ZMYM4: variants seen among roughly 807,000 people sequenced by gnomAD.
ZMYM4 encodes the protein zinc finger MYM-type protein 4.
In ZMYM4, 31 loss-of-function variants were observed where a neutral mutation model predicts 183.2. The observed-to-expected ratio is 0.17, with a 90% CI of 0.13 to 0.23. The LOEUF (loss-of-function observed/expected upper bound fraction) is 0.23. Ranked by LOEUF, ZMYM4 falls within the 10% of genes least tolerant of loss-of-function variation. The pLI, the probability that ZMYM4 is intolerant of heterozygous loss-of-function variation, is 1.00. For missense variants in ZMYM4, 1,273 were observed against 1,840.3 expected, an observed-to-expected ratio of 0.69 and a Z score of 5.64; for synonymous variants, 592 against 631.2, an observed-to-expected ratio of 0.94 and a Z score of 0.93.
chr1:35,329,668 G>A (rs1385169483), intron 2 of ZMYM4, among the ~76,000 whole-genome samples: 1 of 152,104 alleles, frequency 6.6e-6, no homozygotes, highest in Non-Finnish European at 1.5e-5. Flanking sequence ...TACTTTCAGT[G>A]TACTAGTTTA....
chr1:35,360,215 A>T (rs1643906725), intron 3 of ZMYM4, among the ~76,000 whole-genome samples: 1 of 152,056 alleles, frequency 6.6e-6, no homozygotes, highest in Non-Finnish European at 1.5e-5. Context: ...CAGCATTTTC[A>T]TGCCTCATTA....
chr1:35,397,276 A>C, intron 19 of ZMYM4, 101 bp from the exon 20 acceptor site: 1 of 1,296,448 alleles, frequency 7.7e-7, no homozygotes, highest in Non-Finnish European at 1.0e-6. Flanking sequence ...ATATACCTTA[A>C]ATTTGTTTAC....
intron 2 of ZMYM4, among the ~76,000 whole-genome samples, chr1:35,357,282 C>G (rs1169041724): frequency 1.3e-5 from 2 of 152,118 alleles, no homozygotes; most frequent in Admixed American, 1.3e-4. Context: ...TTATTGGATT[C>G]CATAATCCAG....
chr1:35,386,536 C>T (rs1167580803), intron 11 of ZMYM4, among the ~76,000 whole-genome samples: 2 of 152,150 alleles, frequency 1.3e-5, no homozygotes, highest in East Asian at 3.9e-4. Context: ...TCACTTCCTG[C>T]CAGGCTCCTC....
intron 15 of ZMYM4, 144 bp from the exon 16 acceptor site, chr1:35,392,068 A>G (rs1644717381): frequency 9.3e-7 from 1 of 1,076,208 alleles, no homozygotes; most frequent in East Asian, 2.6e-5. Context: ...GAAGAAAACC[A>G]AAACCCAGTT....
chr1:35,355,014 G>GC (rs1263980663), intron 2 of ZMYM4, among the ~76,000 whole-genome samples: 1 of 151,356 alleles, frequency 6.6e-6, no homozygotes, highest in Non-Finnish European at 1.5e-5. Flanking sequence ...TAATATAGCT[G>GC]CAAGACTTTA....
intron 2 of ZMYM4, among the ~76,000 whole-genome samples, chr1:35,331,292 C>G (rs1642735878): frequency 6.6e-6 from 1 of 152,016 alleles, no homozygotes; most frequent in African/African-American, 2.4e-5. Context: ...TGAAAAACAC[C>G]TCACAGTTCT....
chr1:35,278,833 A>G (rs1328137698), intron 1 of ZMYM4, among the ~76,000 whole-genome samples: 2 of 152,218 alleles, frequency 1.3e-5, no homozygotes, highest in Non-Finnish European at 2.9e-5. Context: ...GGCATGATTC[A>G]TTTGGGATAA....
intron 26 of ZMYM4, among the ~76,000 whole-genome samples, chr1:35,411,294 C>G (rs1475467086): frequency 6.6e-6 from 1 of 150,814 alleles, no homozygotes; most frequent in African/African-American, 2.4e-5. Context: ...GCTGGGATTA[C>G]AGGCGCCCGC....
intron 1 of ZMYM4, among the ~76,000 whole-genome samples, chr1:35,288,394 T>C (rs1248111224): frequency 2.6e-5 from 4 of 152,238 alleles, no homozygotes; most frequent in Admixed American, 2.6e-4. Context: ...AGTTTTTTCC[T>C]GTGGCGAAAG....
chr1:35,310,501 T>C (rs1641744119), intron 1 of ZMYM4: 1 of 153,586 alleles, frequency 6.5e-6, no homozygotes, highest in East Asian at 1.9e-4. Context: ...TCACTGTATT[T>C]ATTTACAATT....
At chr1:35,308,526 C>T (rs895451330) in intron 1 of ZMYM4, among the ~76,000 whole-genome samples, 6 of 152,010 alleles carry the variant, frequency 3.9e-5, no homozygotes, top group African/African-American at 9.7e-5. Context: ...TTTAGTGTTC[C>T]GCTTGAAGTA....
chr1:35,397,663 C>G, intron 20 of ZMYM4, 118 bp downstream of exon 20: 1 of 837,372 alleles, frequency 1.2e-6, no homozygotes, highest in Non-Finnish European at 1.7e-6. Flanking sequence ...TCTGTGAATA[C>G]CAAGCCTGTG....
At chr1:35,278,366 A>G (rs1022318406) in intron 1 of ZMYM4, among the ~76,000 whole-genome samples, 25 of 151,918 alleles carry the variant, frequency 1.6e-4, no homozygotes, top group Admixed American at 3.9e-4. Context: ...CCCATATGCA[A>G]AATAAATTCA....
rs975895683 is a variant in ZMYM4 at position 35,276,668 on chromosome 1, C to T, written c.39+7583C>T. Among the ~76,000 whole-genome samples the T allele has an allele frequency of 1.1e-4, 16 of 151,922 alleles. 1 individual carries two copies. Among genetic ancestry groups the T allele is most frequent in the Admixed American group, 2.0e-4 (3 of 15,222 alleles). On this transcript the variant is annotated intron_variant, in intron 1 of 29. Transcript: ENST00000314607. ...TGTTGCCCAGGCTGGAGTGCAGTGG[C>T]GTGATCTTGGCTCACTGCATCGTCC...
intron 23 of ZMYM4, among the ~76,000 whole-genome samples, chr1:35,403,140 CTTTTTT>C (rs915282630): frequency 1.9e-4 from 29 of 152,136 alleles, no homozygotes; most frequent in African/African-American, 7.0e-4. Flanking sequence ...TCTGGTTTTC[CTTTTTT>C]TAAGTCTGTT....
At chr1:35,349,944 TAA>T (rs1420700914) in intron 2 of ZMYM4, among the ~76,000 whole-genome samples, 7 of 129,878 alleles carry the variant, frequency 5.4e-5, no homozygotes, top group African/African-American at 2.8e-4. Context: ...TTATATAATT[TAA>T]TTTTTGTTTT....
chr1:35,348,608 A>G (rs910616654), intron 2 of ZMYM4, among the ~76,000 whole-genome samples: 3 of 152,252 alleles, frequency 2.0e-5, no homozygotes, highest in African/African-American at 7.2e-5. Context: ...ATACATAAGA[A>G]TTAACCATTT....
intron 2 of ZMYM4, among the ~76,000 whole-genome samples, chr1:35,352,269 G>A (rs113608760): frequency 0.03 from 3,721 of 124,524 alleles, 226 homozygotes; most frequent in African/African-American, 0.1. Context: ...ACGCGCGCGC[G>A]CACACACACA....
Sources: allele counts gnomAD v4.1 joint callset (sites outside exome capture counted in the v4.1 genomes callset), GRCh38; gene constraint gnomAD v4.1.1; transcripts MANE v1.5; gene names NCBI Gene and HGNC (gene_info 2026-07-23, HGNC 2026-07-21).